Variants in PRSS23 observed in about 807,000 individuals in gnomAD.
PRSS23 encodes protease, serine 23.
Under a neutral mutation model 34.7 loss-of-function variants are expected in PRSS23, and 25 were observed. The observed-to-expected ratio is 0.72, with a 90% CI of 0.53 to 1.01. PRSS23 has a LOEUF of 1.01. Ranked by LOEUF, PRSS23 falls within the 50% of genes least tolerant of loss-of-function variation. PRSS23 has a pLI of 0.00. For missense variants in PRSS23, 445 were observed against 475.6 expected (o/e 0.94, Z 0.60); for synonymous variants, 176 against 186.6 (o/e 0.94, Z 0.46).
chr11:86,943,623 C>A (rs1466413002), intron 2 of PRSS23, among the ~76,000 whole-genome samples: 1 of 150,956 alleles, frequency 6.6e-6, no homozygotes, highest in South Asian at 2.1e-4. Context: ...GACTCCATCT[C>A]AAAAAAATAA....
intron 2 of PRSS23, among the ~76,000 whole-genome samples, chr11:86,872,991 A>G (rs951724427): frequency 1.3e-5 from 2 of 152,060 alleles, no homozygotes; most frequent in Non-Finnish European, 2.9e-5. Flanking sequence ...CTCATCATTC[A>G]ATGGACTCAA....
At chr11:86,838,958 T>G (rs1590887988) in intron 2 of PRSS23, among the ~76,000 whole-genome samples, 1 of 150,756 alleles carries the variant, frequency 6.6e-6, no homozygotes, top group African/African-American at 2.4e-5. Context: ...AAAAAGGACA[T>G]CCACATGAAA....
At chr11:86,886,917 G>A (rs1361517981) in intron 2 of PRSS23, among the ~76,000 whole-genome samples, 2 of 152,000 alleles carry the variant, frequency 1.3e-5, no homozygotes, top group African/African-American at 4.8e-5. Flanking sequence ...CCTCCAGCAT[G>A]GGCAATAAGA....
At chr11:86,815,499 A>AG (rs1255687328), downstream of PRSS23, among the ~76,000 whole-genome samples, 44 of 152,344 alleles carry the variant, frequency 2.9e-4, no homozygotes, top group African/African-American at 1.0e-3. Context: ...ATGATGACTT[A>AG]GGGTTATGTG....
At chr11:86,831,055 C>T (rs891592813) in intron 2 of PRSS23, among the ~76,000 whole-genome samples, 4 of 151,900 alleles carry the variant, frequency 2.6e-5, no homozygotes, top group East Asian at 3.9e-4. Flanking sequence ...CTAATGTCAA[C>T]GGGGTTTACA....
upstream of PRSS23, chr11:86,800,341 G>A: frequency 1.6e-6 from 1 of 642,866 alleles, no homozygotes; most frequent in Non-Finnish European, 1.9e-6. Context: ...ACCTGCGCAG[G>A]GACGCTCGGC....
At chr11:86,900,651 TATAGG>T (rs1443182255) in intron 2 of PRSS23, among the ~76,000 whole-genome samples, 1 of 152,120 alleles carries the variant, frequency 6.6e-6, no homozygotes, top group Non-Finnish European at 1.5e-5. Context: ...TCTGACAGTA[TATAGG>T]CGGCATCCTC....
At chr11:86,859,164 C>T (rs1264272036) in intron 2 of PRSS23, among the ~76,000 whole-genome samples, 2 of 151,802 alleles carry the variant, frequency 1.3e-5, no homozygotes, top group African/African-American at 4.8e-5. Flanking sequence ...GGGGAAGTGA[C>T]ACCCCCCTGT....
At chr11:86,939,426 A>ATATTTTTTTTTTTTT in intron 2 of PRSS23, among the ~76,000 whole-genome samples, 1 of 94,072 alleles carries the variant, frequency 1.1e-5, no homozygotes, top group African/African-American at 3.3e-5. Context: ...ATATATATAT[A>ATATTTTTTTTTTTTT]TTTTTTAACA....
chr11:86,798,042 T>C (rs1711575391), upstream of PRSS23, among the ~76,000 whole-genome samples: 2 of 152,304 alleles, frequency 1.3e-5, no homozygotes, highest in Admixed American at 1.3e-4. Context: ...ATGTGCTCAA[T>C]ATATATTTGT....
intron 2 of PRSS23, chr11:86,896,576 A>G (rs1948877497): frequency 6.6e-6 from 1 of 152,206 alleles, no homozygotes; most frequent in Non-Finnish European, 1.5e-5. Context: ...ATTCTCCCCC[A>G]AACATCTGTT....
At chr11:86,835,754 A>T (rs1948400235) in intron 2 of PRSS23, among the ~76,000 whole-genome samples, 2 of 152,174 alleles carry the variant, frequency 1.3e-5, no homozygotes, top group African/African-American at 2.4e-5. Flanking sequence ...ACCTCCTGTG[A>T]GCAGAGCTGA....
intron 2 of PRSS23, among the ~76,000 whole-genome samples, chr11:86,902,643 C>A (rs1222299557): frequency 1.3e-5 from 2 of 152,146 alleles, no homozygotes; most frequent in Non-Finnish European, 2.9e-5. Flanking sequence ...GATTAGTGTA[C>A]ATGATGCTAC....
intron 2 of PRSS23, among the ~76,000 whole-genome samples, chr11:86,906,377 C>T (rs948071466): frequency 1.0e-5 from 1 of 97,134 alleles, no homozygotes; most frequent in Non-Finnish European, 2.7e-5. Context: ...CGCCCAGGAT[C>T]CCCCTGAGGC....
In PRSS23 at chr11:86,930,399, A is replaced by G. The variant is rs555313002; in HGVS notation, c.207-20817A>G. ...GCCCCACAGGAACATGTAACAGGGG[A>G]TCTAACTTAGTCTACAGGGCCTAGG... On this transcript the variant is annotated intron_variant, in intron 2 of 2. Coordinates refer to the PRSS23 transcript ENST00000533902. 1.6e-4 allele frequency among the ~76,000 whole-genome samples: 24 copies of G among 152,296 alleles called. No homozygotes were observed. In the South Asian group the frequency reaches 5.0e-3, roughly 32 times the overall value.
intron 2 of PRSS23, among the ~76,000 whole-genome samples, chr11:86,842,234 C>A (rs925567652): frequency 6.6e-6 from 1 of 152,158 alleles, no homozygotes; most frequent in Middle Eastern, 3.2e-3. Flanking sequence ...ATTCAACAGA[C>A]CTTCATGCTA....
chr11:86,928,935 C>G (rs1437921129), intron 2 of PRSS23, among the ~76,000 whole-genome samples: 1 of 151,918 alleles, frequency 6.6e-6, no homozygotes, highest in East Asian at 1.9e-4. Flanking sequence ...TCCAAATGTT[C>G]TGCAACACAT....
downstream of PRSS23, among the ~76,000 whole-genome samples, chr11:86,813,389 T>A (rs1321898134): frequency 1.3e-5 from 2 of 152,222 alleles, no homozygotes; most frequent in African/African-American, 4.8e-5. Context: ...TTGTTCTGTT[T>A]AAGAGACAGA....
chr11:86,938,410 G>C (rs1174702060), intron 2 of PRSS23, among the ~76,000 whole-genome samples: 1 of 152,198 alleles, frequency 6.6e-6, no homozygotes, highest in Non-Finnish European at 1.5e-5. Context: ...TCAGGGACTT[G>C]AAGAATGAGC....
Sources: gnomAD v4.1 joint callset for allele counts (sites outside exome capture counted in the v4.1 genomes callset) on GRCh38, gnomAD v4.1.1 for gene constraint, MANE v1.5 for transcripts, NCBI Gene and HGNC (gene_info 2026-07-23, HGNC 2026-07-21) for gene names.